The following SPMIP2 variants were observed in gnomAD, a reference collection of about 807,000 sequenced individuals.
The protein encoded by SPMIP2 is sperm microtubule inner protein 2, also known as protein SPMIP2.
the SPMIP2 span, among the ~76,000 whole-genome samples, chr4:158,902,831 TC>T: frequency 2.4e-4 from 37 of 152,058 alleles, no homozygotes; most frequent in East Asian, 7.0e-3. Flanking sequence ...TGGATGCCCC[TC>T]CCCCAACCAA....
At chr4:159,048,731 CTTTTTTTTTTT>C in the SPMIP2 span, among the ~76,000 whole-genome samples, 1 of 111,470 alleles carries the variant, frequency 9.0e-6, no homozygotes, top group Non-Finnish European at 1.8e-5. Flanking sequence ...TCCCCTTCCA[CTTTTTTTTTTT>C]TTTTTTTTTT....
the SPMIP2 span, among the ~76,000 whole-genome samples, chr4:158,978,394 A>G: frequency 6.6e-6 from 1 of 152,238 alleles, no homozygotes; most frequent in African/African-American, 2.4e-5. Context: ...ACATTCTATT[A>G]ATTTGGGGTG....
the SPMIP2 span, among the ~76,000 whole-genome samples, chr4:158,981,054 A>G: frequency 6.6e-6 from 1 of 152,234 alleles, no homozygotes; most frequent in Non-Finnish European, 1.5e-5. Context: ...AACTCTGTGA[A>G]GCATACACAA....
the SPMIP2 span, among the ~76,000 whole-genome samples, chr4:158,988,795 A>C: frequency 6.6e-6 from 1 of 152,140 alleles, no homozygotes; most frequent in South Asian, 2.1e-4. Context: ...AATGGCCAAA[A>C]ACTGGAAGCA....
At chr4:158,943,621 A>T in the SPMIP2 span, among the ~76,000 whole-genome samples, 1 of 152,106 alleles carries the variant, frequency 6.6e-6, no homozygotes, top group Non-Finnish European at 1.5e-5. Context: ...CAAGGCCTTC[A>T]GGTTTAAACT....
At chr4:158,897,576 A>C in the SPMIP2 span, among the ~76,000 whole-genome samples, 4 of 152,110 alleles carry the variant, frequency 2.6e-5, no homozygotes, top group South Asian at 2.1e-4. Flanking sequence ...TTTGATTTGC[A>C]TTTCTCTGAT....
the SPMIP2 span, among the ~76,000 whole-genome samples, chr4:158,961,096 C>G: frequency 6.6e-6 from 1 of 152,084 alleles, no homozygotes; most frequent in African/African-American, 2.4e-5. Flanking sequence ...GAAGCCATGA[C>G]ATAAATTATC....
chr4:159,019,696 G>C, the SPMIP2 span, among the ~76,000 whole-genome samples: 1 of 152,118 alleles, frequency 6.6e-6, no homozygotes, highest in African/African-American at 2.4e-5. Flanking sequence ...GAATACACTG[G>C]GACAATTGGT....
chr4:159,038,433 T>C, the SPMIP2 span, among the ~76,000 whole-genome samples: 3 of 152,222 alleles, frequency 2.0e-5, no homozygotes, highest in Non-Finnish European at 2.9e-5. Flanking sequence ...ATGTACATTA[T>C]ATGCTATGAA....
chr4:158,959,519 T>G, the SPMIP2 span, among the ~76,000 whole-genome samples: 1 of 152,170 alleles, frequency 6.6e-6, no homozygotes, highest in African/African-American at 2.4e-5. Flanking sequence ...TTTATGTTGG[T>G]ATAGTATAGC....
the SPMIP2 span, among the ~76,000 whole-genome samples, chr4:158,936,725 A>C: frequency 6.6e-6 from 1 of 152,246 alleles, no homozygotes; most frequent in Non-Finnish European, 1.5e-5. Context: ...GTGATGGTGT[A>C]GTCCACACCT....
the SPMIP2 span, among the ~76,000 whole-genome samples, chr4:159,047,965 G>A: frequency 1.3e-5 from 2 of 152,236 alleles, no homozygotes; most frequent in African/African-American, 4.8e-5. Context: ...AGCACAAAGA[G>A]GGAAAATAAA....
the SPMIP2 span, among the ~76,000 whole-genome samples, chr4:158,941,783 A>T: frequency 6.6e-6 from 1 of 152,234 alleles, no homozygotes; most frequent in African/African-American, 2.4e-5. Flanking sequence ...TATTTAAATT[A>T]ATTTATAACT....
At chr4:159,038,961 T>C in the SPMIP2 span, among the ~76,000 whole-genome samples, 11 of 152,026 alleles carry the variant, frequency 7.2e-5, no homozygotes, top group Admixed American at 5.2e-4. Flanking sequence ...CCTGATGGTT[T>C]TATAGTCTTA....
chr4:158,972,445 AT>A, the SPMIP2 span, among the ~76,000 whole-genome samples: 4 of 152,198 alleles, frequency 2.6e-5, no homozygotes, highest in African/African-American at 9.7e-5. Flanking sequence ...TTATTGCATG[AT>A]TGATACATTT....
chr4:158,942,146 A>G, the SPMIP2 span, among the ~76,000 whole-genome samples: 1 of 152,268 alleles, frequency 6.6e-6, no homozygotes, highest in Non-Finnish European at 1.5e-5. Context: ...ATCTTTACAT[A>G]TTGCTGTAGA....
chr4:158,967,437 C>G, the SPMIP2 span, among the ~76,000 whole-genome samples: 1 of 152,058 alleles, frequency 6.6e-6, no homozygotes, highest in East Asian at 1.9e-4. Flanking sequence ...TATGTTAAAC[C>G]ACAAACTGTT....
At chr4:158,910,526 G>A in the SPMIP2 span, among the ~76,000 whole-genome samples, 1 of 152,060 alleles carries the variant, frequency 6.6e-6, no homozygotes, top group East Asian at 1.9e-4. Flanking sequence ...GCCCGCCTCA[G>A]CCTCCCAAAG....
At chr4:158,978,358 G>A in the SPMIP2 span, among the ~76,000 whole-genome samples, 2 of 152,214 alleles carry the variant, frequency 1.3e-5, no homozygotes, top group Non-Finnish European at 2.9e-5. Flanking sequence ...TTTAGAAATA[G>A]TGCTATGTGG....
Sources: gnomAD v4.1 joint callset for allele counts (sites outside exome capture counted in the v4.1 genomes callset) on GRCh38, gnomAD v4.1.1 for gene constraint, MANE v1.5 for transcripts, NCBI Gene and HGNC (gene_info 2026-07-23, HGNC 2026-07-21) for gene names.